Variants in TTC28 observed in about 807,000 individuals in gnomAD.
The protein encoded by TTC28 is tetratricopeptide repeat protein 28.
TTC28 carries 61 observed loss-of-function variants against 198.0 expected under a neutral mutation model. The observed-to-expected ratio is 0.31, with a 90% CI of 0.25 to 0.38. The LOEUF is 0.38. Ranked by LOEUF, TTC28 falls within the 10% of genes least tolerant of loss-of-function variation. TTC28 has a pLI of 1.00. For missense variants in TTC28, 2,678 were observed against 3,164.0 expected, an observed-to-expected ratio of 0.85 and a Z score of 3.69; for synonymous variants, 1,171 against 1,297.8, an observed-to-expected ratio of 0.90 and a Z score of 2.10.
intron 6 of TTC28, among the ~76,000 whole-genome samples, chr22:28,126,479 T>A (rs1942916295): frequency 6.6e-6 from 1 of 152,240 alleles, no homozygotes; most frequent in South Asian, 2.1e-4. Flanking sequence ...TTGTAAAGAC[T>A]GTACTTCCAC....
Position 28,251,651 on chromosome 22 carries a change from G to A in TTC28, c.933+44547C>T, listed in dbSNP as rs1221131194. Among the ~76,000 whole-genome samples the A allele has an allele frequency of 5.9e-5, 9 of 152,252 alleles. No individual in the cohort carries two copies. In the East Asian group the frequency reaches 1.7e-3, roughly 29 times the overall value. On this transcript the variant is annotated intron_variant, in intron 5 of 22. Coordinates refer to ENST00000397906, the MANE Select transcript of TTC28 (RefSeq NM_001145418.2). Reference sequence around the variant, plus strand: ...TAGTAATTAATCTGTGACCTTAAGCGATTTATTTAACCTTTTTGAGCCACG... The same window carrying A: ...TAGTAATTAATCTGTGACCTTAAGCAATTTATTTAACCTTTTTGAGCCACG...
In TTC28 at chr22:27,983,374, C is replaced by T; in HGVS notation, c.6293G>A (p.Ser2098Asn). ...TGGAGTGCTGATGCTCCCTTTGGAG[C>T]TCACCGAGACTCTCATGCCTCCGGC... ...GTAGGMRVSV[S>N]SKGSISTPNS... The change falls in exon 23 of 23, where the codon AGC becomes AAC. Residue 2098 changes from serine (S) to asparagine (N), a missense_variant. Transcript: ENST00000397906. 1 of 1,551,160 alleles carries T rather than the reference C, an allele frequency of 6.4e-7. No homozygotes were observed. The highest frequency in any genetic ancestry group is 8.7e-7 in the Non-Finnish European group (1 of 1,147,052).
intron 5 of TTC28, among the ~76,000 whole-genome samples, chr22:28,165,377 CA>C (rs1199920694): frequency 6.6e-6 from 1 of 151,980 alleles, no homozygotes; most frequent in African/African-American, 2.4e-5. Context: ...ACATAATTGT[CA>C]GATTCACCAA....
At chr22:28,038,324 T>C (rs377696756) in intron 12 of TTC28, among the ~76,000 whole-genome samples, 5 of 152,244 alleles carry the variant, frequency 3.3e-5, no homozygotes, top group South Asian at 2.1e-4. Context: ...AACAGAGATA[T>C]AGACCAATGG....
chr22:28,291,751 A>G (rs2044792074), intron 5 of TTC28, among the ~76,000 whole-genome samples: 1 of 152,172 alleles, frequency 6.6e-6, no homozygotes, highest in African/African-American at 2.4e-5. Context: ...CTACAAGGAT[A>G]TTTTTCCAGA....
At chr22:28,191,956 C>G (rs948311589) in intron 5 of TTC28, among the ~76,000 whole-genome samples, 1 of 152,188 alleles carries the variant, frequency 6.6e-6, no homozygotes, top group Non-Finnish European at 1.5e-5. Context: ...TCTCCCAGCA[C>G]GCAGCTGGAG....
At chr22:28,559,799 T>C (rs996520668) in intron 2 of TTC28, among the ~76,000 whole-genome samples, 4 of 152,244 alleles carry the variant, frequency 2.6e-5, no homozygotes, top group African/African-American at 9.6e-5. Flanking sequence ...ATTCTGAATG[T>C]TGAAGTGCCA....
chr22:27,990,672 G>C, intron 20 of TTC28, 117 bp downstream of exon 20: 1 of 997,640 alleles, frequency 1.0e-6, no homozygotes, highest in South Asian at 1.7e-5. Flanking sequence ...GCCGCAGCCC[G>C]TGTGGCTCCG....
intron 13 of TTC28, among the ~76,000 whole-genome samples, chr22:28,019,559 A>G (rs1234630725): frequency 6.6e-6 from 1 of 152,224 alleles, no homozygotes; most frequent in Non-Finnish European, 1.5e-5. Context: ...CAGAATGCTC[A>G]CAGCGGCTAA....
At chr22:28,011,362 A>T (rs1938154966) in intron 14 of TTC28, among the ~76,000 whole-genome samples, 1 of 152,212 alleles carries the variant, frequency 6.6e-6, no homozygotes, top group African/African-American at 2.4e-5. Flanking sequence ...TTGGGAAGCC[A>T]AAGCAGATGG....
intron 2 of TTC28, among the ~76,000 whole-genome samples, chr22:28,524,634 T>G (rs1222690732): frequency 3.3e-5 from 5 of 151,922 alleles, no homozygotes; most frequent in Admixed American, 3.3e-4. Flanking sequence ...AAAAAGTATT[T>G]AAAAAAATTA....
intron 2 of TTC28, among the ~76,000 whole-genome samples, chr22:28,460,640 TAGATAGATAGATAGATAGATAGATAGAC>T (rs1267531495): frequency 7.0e-6 from 1 of 143,574 alleles, no homozygotes; most frequent in African/African-American, 2.6e-5. Flanking sequence ...GATAGATAGA[TAGATAGATAGATAGATAGATAGATAGAC>T]AGACAGACAG....
intron 6 of TTC28, among the ~76,000 whole-genome samples, chr22:28,161,343 G>A (rs140012416): frequency 3.8e-3 from 576 of 152,198 alleles, no homozygotes; most frequent in Admixed American, 7.8e-3. Context: ...CTAGCCTGAG[G>A]AACATAACAA....
intron 2 of TTC28, among the ~76,000 whole-genome samples, chr22:28,369,517 T>C (rs2046298346): frequency 6.6e-6 from 1 of 152,220 alleles, no homozygotes; most frequent in Non-Finnish European, 1.5e-5. Flanking sequence ...GGTGTTAAAA[T>C]AGGAAGACTC....
rs2051859478 is a variant in TTC28 at position 28,670,369 on chromosome 22, A to C, written c.102+9253T>G. On this transcript the variant is annotated intron_variant, in intron 1 of 22. Coordinates refer to ENST00000397906, the MANE Select transcript of TTC28 (RefSeq NM_001145418.2). ...CCACCCAACGTTCGTGACAAACACT[A>C]ATCTTCTTTCCCTCTCTATGCATTT... Among the ~76,000 whole-genome samples the C allele has an allele frequency of 2.0e-5, 3 of 152,028 alleles. No individual in the cohort carries two copies. In the South Asian group the frequency reaches 6.2e-4, roughly 32 times the overall value.
At chr22:28,283,824 T>G (rs1018709394) in intron 5 of TTC28, among the ~76,000 whole-genome samples, 1 of 152,178 alleles carries the variant, frequency 6.6e-6, no homozygotes, top group African/African-American at 2.4e-5. Flanking sequence ...GTTGAGACTA[T>G]AGGTGCATGC....
chr22:28,584,477 C>T (rs934360836), intron 2 of TTC28, among the ~76,000 whole-genome samples: 1 of 152,106 alleles, frequency 6.6e-6, no homozygotes, highest in Non-Finnish European at 1.5e-5. Flanking sequence ...CCATATCAGC[C>T]ATGTCCAATA....
chr22:28,381,954 A>AGGAGGTGCACTGGGCACTGGAAGG (rs2146027083), intron 2 of TTC28, among the ~76,000 whole-genome samples: 1 of 152,320 alleles, frequency 6.6e-6, no homozygotes, highest in East Asian at 1.9e-4. Context: ...GCACTGGAAG[A>AGGAGGTGCACTGGGCACTGGAAGG]GAAAGTGCCA....
intron 21 of TTC28, among the ~76,000 whole-genome samples, chr22:27,988,274 A>C (rs999016346): frequency 1.4e-5 from 2 of 145,164 alleles, no homozygotes; most frequent in African/African-American, 5.3e-5. Context: ...GAGCGAGAAG[A>C]AGCTTGCTTT....
Sources: allele counts gnomAD v4.1 joint callset (sites outside exome capture counted in the v4.1 genomes callset), GRCh38; gene constraint gnomAD v4.1.1; transcripts MANE v1.5; gene names NCBI Gene and HGNC (gene_info 2026-07-23, HGNC 2026-07-21).